Variants in DENND6A observed in about 807,000 individuals in gnomAD.
The protein encoded by DENND6A is protein DENND6A.
Under a neutral mutation model 95.5 loss-of-function variants are expected in DENND6A, and 43 were observed. The ratio of observed to expected loss-of-function variants is 0.45; its 90% CI spans 0.35 to 0.58. The LOEUF is 0.58. DENND6A is among the 20% of genes least tolerant of loss of function. DENND6A has a pLI of 0.00. For synonymous variants in DENND6A, 257 were observed against 260.4 expected (o/e 0.99, Z 0.13); for missense variants, 574 against 736.0 (o/e 0.78, Z 2.55).
At position 57,629,802 on chromosome 3, in the gene DENND6A, G is replaced by A. The variant is rs1016608281; in HGVS notation, c.1620+619C>T. On this transcript the variant is annotated intron_variant, in intron 18 of 19. Transcript: ENST00000311128. ...CTCCCAAAGTGCTGGGATTACAGGCGTGAGCCACTGCACCCGGCCAGTCCA... is the reference window on the plus strand; with the variant it reads ...CTCCCAAAGTGCTGGGATTACAGGCATGAGCCACTGCACCCGGCCAGTCCA... Among the ~76,000 whole-genome samples the A allele has an allele frequency of 9.0e-4, 136 of 151,794 alleles. 1 individual carries two copies. The highest frequency in any genetic ancestry group is 3.6e-3 in the Admixed American group (55 of 15,230).
At chr3:57,631,020 A>G in intron 15 of DENND6A, 42 bp from the exon 16 acceptor site, 19 of 1,591,198 alleles carry the variant, frequency 1.2e-5, no homozygotes, top group Non-Finnish European at 1.6e-5. Flanking sequence ...TGTCTTCAAA[A>G]ATATTTAAAC....
At chr3:57,651,817 C>T (rs567130033) in intron 9 of DENND6A, among the ~76,000 whole-genome samples, 2 of 152,008 alleles carry the variant, frequency 1.3e-5, no homozygotes, top group African/African-American at 4.8e-5. Context: ...TAAACTGGGA[C>T]AATTTGAATA....
chr3:57,649,630 GAA>G (rs10576642), intron 9 of DENND6A, among the ~76,000 whole-genome samples: 104,107 of 146,238 alleles, frequency 0.71, 37,076 homozygotes, highest in East Asian at 0.98. Flanking sequence ...ATCAATGAGT[GAA>G]AAAAAAAAAA....
At chr3:57,629,156 A>G (rs535524101) in intron 18 of DENND6A, among the ~76,000 whole-genome samples, 1 of 152,350 alleles carries the variant, frequency 6.6e-6, no homozygotes, top group East Asian at 1.9e-4. Flanking sequence ...AAGAAAAACA[A>G]AATTGCAGCT....
chr3:57,688,759 C>T (rs1419147183), intron 1 of DENND6A, among the ~76,000 whole-genome samples: 1 of 152,082 alleles, frequency 6.6e-6, no homozygotes, highest in African/African-American at 2.4e-5. Flanking sequence ...GCTTCCCACA[C>T]ACTTGGATTC....
At chr3:57,672,528 A>G in intron 1 of DENND6A, 90 bp from the exon 2 acceptor site, 1 of 1,349,710 alleles carries the variant, frequency 7.4e-7, no homozygotes, top group Non-Finnish European at 1.0e-6. Flanking sequence ...CACGCTGGTA[A>G]TCCCAGCACT....
intron 1 of DENND6A, among the ~76,000 whole-genome samples, chr3:57,676,293 T>C (rs1219192116): frequency 6.8e-6 from 1 of 147,614 alleles, no homozygotes; most frequent in Non-Finnish European, 1.5e-5. Context: ...GGCACAAGAA[T>C]GGCTTGAACC....
intron 12 of DENND6A, among the ~76,000 whole-genome samples, chr3:57,640,281 CAAA>C (rs1194878055): frequency 8.4e-6 from 1 of 118,932 alleles, no homozygotes; most frequent in African/African-American, 3.4e-5. Flanking sequence ...AAAAAAAAAA[CAAA>C]AAAAAACAAA....
At chr3:57,659,362 C>T (rs2071383426) in intron 7 of DENND6A, among the ~76,000 whole-genome samples, 182 bp from the exon 8 acceptor site, 1 of 152,118 alleles carries the variant, frequency 6.6e-6, no homozygotes, top group African/African-American at 2.4e-5. Flanking sequence ...GTAAGTAAAT[C>T]AAGGTCTCCA....
intron 1 of DENND6A, among the ~76,000 whole-genome samples, chr3:57,678,071 T>C (rs2071742777): frequency 6.6e-6 from 1 of 152,174 alleles, no homozygotes. Flanking sequence ...ACATCTTATT[T>C]AGCCATTCCT....
At chr3:57,629,426 T>C (rs77945912) in intron 18 of DENND6A, among the ~76,000 whole-genome samples, 1,972 of 151,262 alleles carry the variant, frequency 0.013, 46 homozygotes, top group African/African-American at 0.045. Flanking sequence ...TAAATGAAAG[T>C]GAGACTATTC....
At position 57,661,875 on chromosome 3, in the gene DENND6A, T is replaced by C. The variant is rs149801457; in HGVS notation, c.514-324A>G. On this transcript the variant is annotated intron_variant, in intron 5 of 19. Coordinates refer to ENST00000311128, the MANE Select transcript of DENND6A (RefSeq NM_152678.3). Reference sequence around the variant, plus strand: ...CAATAGCAATATCAGGAATTAGCCATATGAACTTTCCCTATTAAAGAAAGA... The same window carrying C: ...CAATAGCAATATCAGGAATTAGCCACATGAACTTTCCCTATTAAAGAAAGA... 1.9e-4 allele frequency among the ~76,000 whole-genome samples: 29 copies of C among 152,320 alleles called. No individual in the cohort carries two copies. The East Asian group carries it at 4.6e-3, about 24-fold the overall frequency.
chr3:57,669,144 T>C (rs1314564762), intron 3 of DENND6A, among the ~76,000 whole-genome samples: 1 of 152,148 alleles, frequency 6.6e-6, no homozygotes, highest in East Asian at 1.9e-4. Context: ...AGTCCTGAGA[T>C]TACAGGTGTG....
At chr3:57,668,991 G>C (rs1219598876) in intron 3 of DENND6A, among the ~76,000 whole-genome samples, 1 of 152,096 alleles carries the variant, frequency 6.6e-6, no homozygotes, top group Non-Finnish European at 1.5e-5. Flanking sequence ...TCCTGCCTCA[G>C]CCTCCTGAGT....
intron 5 of DENND6A, among the ~76,000 whole-genome samples, chr3:57,662,188 T>TTC (rs1255235819): frequency 8.3e-6 from 1 of 119,868 alleles, no homozygotes; most frequent in Non-Finnish European, 1.8e-5. Flanking sequence ...CTTTTTTCTT[T>TTC]TTTTTTTTTT....
At chr3:57,647,354 A>G (rs947314015) in intron 9 of DENND6A, among the ~76,000 whole-genome samples, 6 of 152,174 alleles carry the variant, frequency 3.9e-5, no homozygotes, top group Admixed American at 3.3e-4. Flanking sequence ...TTCCCTTCCT[A>G]AACAACTCAG....
chr3:57,686,511 C>A (rs1292851778), intron 1 of DENND6A, among the ~76,000 whole-genome samples: 1 of 152,176 alleles, frequency 6.6e-6, no homozygotes, highest in Non-Finnish European at 1.5e-5. Flanking sequence ...AGGTTTGTGG[C>A]AAGCCTACAT....
chr3:57,632,438 G>A (rs938407070), intron 15 of DENND6A, among the ~76,000 whole-genome samples: 1 of 151,480 alleles, frequency 6.6e-6, no homozygotes, highest in African/African-American at 2.4e-5. Context: ...TCTTACCTTC[G>A]CCTCCCAAAG....
intron 1 of DENND6A, among the ~76,000 whole-genome samples, chr3:57,681,471 A>C (rs892096079): frequency 1.3e-5 from 2 of 151,960 alleles, no homozygotes; most frequent in African/African-American, 4.8e-5. Flanking sequence ...CTCAAAAAAA[A>C]AAATTAGGCA....
Sources: gnomAD v4.1 joint callset for allele counts (sites outside exome capture counted in the v4.1 genomes callset) on GRCh38, gnomAD v4.1.1 for gene constraint, MANE v1.5 for transcripts, NCBI Gene and HGNC (gene_info 2026-07-23, HGNC 2026-07-21) for gene names.